ZFR: variants seen among roughly 807,000 people sequenced by gnomAD.
ZFR encodes the protein zinc finger RNA-binding protein.
Under a neutral mutation model 130.7 loss-of-function variants are expected in ZFR, and 19 were observed. The observed-to-expected ratio is 0.15, with a 90% confidence interval of 0.10 to 0.21. The LOEUF (loss-of-function observed/expected upper bound fraction) is 0.21. Ranked by LOEUF, ZFR falls within the 10% of genes least tolerant of loss-of-function variation. The probability of loss-of-function intolerance (pLI) is 1.00; values close to 1 mark genes in which losing one functional copy is unlikely to be tolerated. For synonymous variants in ZFR, 466 were observed against 456.9 expected (o/e 1.02, Z -0.25); for missense variants, 872 against 1,321.5 (o/e 0.66, Z 5.27).
chr5:32,430,700 G>GA (rs1754189802), intron 2 of ZFR, among the ~76,000 whole-genome samples: 1 of 152,004 alleles, frequency 6.6e-6, no homozygotes, highest in Admixed American at 6.6e-5. Context: ...CAGCCAGAGG[G>GA]AAAAAACTGC....
chr5:32,359,293 AGATTTTTTTGC>A lies in ZFR; in HGVS notation c.3046-3365_3046-3355del, dbSNP rs1752379152. ...TCATAAACTTTCTTAAAACATTATG[AGATTTTTTTGC>A]GATTTTTTTTTTTCTTTTTAGCCCA... On this transcript the variant is annotated intron_variant, in intron 19 of 19. Coordinates refer to ENST00000265069, the MANE Select transcript of ZFR (RefSeq NM_016107.5). Among the ~76,000 whole-genome samples the A allele has an allele frequency of 2.7e-5, 4 of 148,620 alleles. No homozygotes were observed. In the South Asian group the frequency reaches 8.4e-4, roughly 31 times the overall value.
chr5:32,403,104 G>A lies in ZFR; in HGVS notation c.1516+2C>T. On this transcript the variant is annotated splice_donor_variant, in intron 8 of 19. Coordinates refer to ENST00000265069, the MANE Select transcript of ZFR (RefSeq NM_016107.5). LOFTEE classifies it low-confidence loss of function (GC_TO_GT_DONOR). ...GCAGGGACAGAGAATATCAGTACTT[G>A]CCAACAAAATTTATTTTGGGGGTAG... The A allele has an allele frequency of 6.2e-7, 1 of 1,613,232 alleles. No homozygotes were observed. Among genetic ancestry groups the A allele is most frequent in the South Asian group, 1.1e-5 (1 of 90,962 alleles).
chr5:32,431,193 A>G (rs1303150550), intron 2 of ZFR, among the ~76,000 whole-genome samples: 2 of 152,246 alleles, frequency 1.3e-5, no homozygotes, highest in African/African-American at 2.4e-5. Context: ...GAGCAAAAAG[A>G]GTGGTAAATA....
chr5:32,435,935 T>C (rs943225773), intron 2 of ZFR, among the ~76,000 whole-genome samples: 2 of 152,152 alleles, frequency 1.3e-5, no homozygotes, highest in African/African-American at 4.8e-5. Flanking sequence ...AGTGATCAGA[T>C]TCTAGTTTCC....
chr5:32,430,549 G>A (rs1330599522), intron 2 of ZFR, among the ~76,000 whole-genome samples: 2 of 152,060 alleles, frequency 1.3e-5, no homozygotes, highest in East Asian at 3.8e-4. Context: ...GAAAAAAAAT[G>A]TCAAGAGATT....
At chr5:32,384,414 C>A (rs116312183) in intron 15 of ZFR, among the ~76,000 whole-genome samples, 1 of 152,268 alleles carries the variant, frequency 6.6e-6, no homozygotes, top group South Asian at 2.1e-4. Context: ...TTAGACATAG[C>A]TCCCAATGAC....
Position 32,404,015 on chromosome 5 carries a change from T to G in ZFR, c.1115A>C (p.Asn372Thr). The G allele has an allele frequency of 6.2e-7, 1 of 1,614,176 alleles. No homozygotes were observed. Among genetic ancestry groups the G allele is most frequent in the Non-Finnish European group, 8.5e-7 (1 of 1,179,998 alleles). ...LKASQNTSSS[N>T]SSTRGTQNQL... ...ATTTTGAGTCCCACGAGTAGAACTG[T>G]TGCTGCTGCTGGTATTTTGTGAGGC... The change falls in exon 7 of 20, where the codon AAC becomes ACC. Residue 372 changes from asparagine to threonine, a missense_variant. Coordinates refer to ENST00000265069, the MANE Select transcript of ZFR (RefSeq NM_016107.5).
intron 11 of ZFR, among the ~76,000 whole-genome samples, chr5:32,391,165 C>A (rs1437239680): frequency 5.3e-5 from 8 of 152,206 alleles, no homozygotes; most frequent in Non-Finnish European, 1.0e-4. Context: ...CAGCTCCATC[C>A]CACCTATGAA....
At chr5:32,433,530 A>G (rs1202587676) in intron 2 of ZFR, among the ~76,000 whole-genome samples, 1 of 152,230 alleles carries the variant, frequency 6.6e-6, no homozygotes, top group Admixed American at 6.5e-5. Context: ...TTCTTCCTGC[A>G]CTTGCAGGGT....
intron 17 of ZFR, among the ~76,000 whole-genome samples, chr5:32,365,827 T>A (rs2060046070): frequency 1.3e-5 from 2 of 152,154 alleles, no homozygotes. Context: ...TTTGAACTCC[T>A]GGACTCATGT....
At chr5:32,375,930 G>A (rs533739253) in intron 17 of ZFR, among the ~76,000 whole-genome samples, 5 of 150,166 alleles carry the variant, frequency 3.3e-5, no homozygotes, top group African/African-American at 1.2e-4. Context: ...TGCAACCTCC[G>A]CCCTGAGTTC....
intron 15 of ZFR, 114 bp downstream of exon 15, chr5:32,385,394 T>C: frequency 7.9e-7 from 1 of 1,272,752 alleles, no homozygotes; most frequent in South Asian, 1.5e-5. Flanking sequence ...GTCAAATCTA[T>C]CAAATTCACG....
At chr5:32,382,304 C>T (rs950539340) in intron 15 of ZFR, among the ~76,000 whole-genome samples, 1 of 152,028 alleles carries the variant, frequency 6.6e-6, no homozygotes, top group Non-Finnish European at 1.5e-5. Flanking sequence ...GAGTGACTGT[C>T]TCAAAAACAA....
rs575876933 is a variant in ZFR at position 32,356,069 on chromosome 5, T to A, written c.3046-130A>T. 16 of 632,642 alleles carry A rather than the reference T, an allele frequency of 2.5e-5. No homozygotes were observed. The South Asian group carries it at 6.4e-4, about 25-fold the overall frequency. The allele number at this position is 632,642 out of a possible 1,614,324, so 39.2% of individuals were successfully genotyped here. ...TGAAAGAAACATTTAAAGGAATTAC[T>A]TTCACAACTGAAATAATCTGTATGT... On this transcript the variant is annotated intron_variant, in intron 19 of 19. Coordinates refer to ENST00000265069, the MANE Select transcript of ZFR (RefSeq NM_016107.5).
Position 32,415,154 on chromosome 5 carries a change from T to C in ZFR, c.599A>G (p.Gln200Arg), listed in dbSNP as rs746660988. 6.2e-7 allele frequency: 1 copy of C among 1,614,080 alleles called. No homozygotes were observed. The highest frequency in any genetic ancestry group is 8.5e-7 in the Non-Finnish European group (1 of 1,179,980). The change falls in exon 5 of 20, where the codon CAG becomes CGG. Residue 200 changes from glutamine to arginine, a missense_variant. This residue lies in a region of ZFR where 240 missense variants were observed against 441.2 expected (regional missense o/e 0.54). Transcript: ENST00000265069. Reference sequence around the variant, plus strand: ...TCGAGTTTGCTGGGCTTGAGTATACTGAGTTGCACCTTGGCTGTAACCTGC... The same window carrying C: ...TCGAGTTTGCTGGGCTTGAGTATACCGAGTTGCACCTTGGCTGTAACCTGC... ...PKAGYSQGAT[Q>R]YTQAQQTRQV...
chr5:32,414,242 G>C (rs1049237668), intron 5 of ZFR, among the ~76,000 whole-genome samples: 1 of 152,080 alleles, frequency 6.6e-6, no homozygotes, highest in Non-Finnish European at 1.5e-5. Context: ...TAGCACCCTA[G>C]AGTAAGAGAT....
chr5:32,358,516 C>T (rs1391908029), intron 19 of ZFR, among the ~76,000 whole-genome samples: 33 of 152,190 alleles, frequency 2.2e-4, no homozygotes, highest in African/African-American at 7.0e-4. Flanking sequence ...AAAAATTAGC[C>T]GGGCTTGGTG....
intron 5 of ZFR, among the ~76,000 whole-genome samples, chr5:32,412,250 A>G (rs189831831): frequency 6.0e-4 from 92 of 152,370 alleles, no homozygotes; most frequent in Middle Eastern, 6.8e-3. Context: ...TACTTATTAC[A>G]TGCTTCTGAT....
At chr5:32,424,430 T>C (rs1199417064) in intron 2 of ZFR, among the ~76,000 whole-genome samples, 2 of 148,776 alleles carry the variant, frequency 1.3e-5, no homozygotes, top group African/African-American at 2.5e-5. Context: ...ACTCGGGAGG[T>C]TGAGTCAGGA....
Sources: allele counts gnomAD v4.1 joint callset (sites outside exome capture counted in the v4.1 genomes callset), GRCh38; gene constraint gnomAD v4.1.1; regional missense constraint gnomAD v4.1.1; transcripts MANE v1.5; gene names NCBI Gene and HGNC (gene_info 2026-07-23, HGNC 2026-07-21).